Variants in SORL1 observed in about 807,000 individuals in gnomAD.
The protein encoded by SORL1 is sortilin related receptor 1.
SORL1 carries 127 observed loss-of-function variants against 273.7 expected under a neutral mutation model. The ratio of observed to expected loss-of-function variants is 0.46; its 90% CI spans 0.40 to 0.54. The LOEUF (loss-of-function observed/expected upper bound fraction) is 0.54. SORL1 is among the 20% of genes least tolerant of loss of function. SORL1 has a pLI of 0.00. For missense variants in SORL1, 2,494 were observed against 2,846.1 expected, an observed-to-expected ratio of 0.88 and a Z score of 2.81; for synonymous variants, 1,031 against 1,067.4, an observed-to-expected ratio of 0.97 and a Z score of 0.66.
intron 9 of SORL1, 85 bp from the exon 10 acceptor site, chr11:121,522,501 C>T (rs1304763142): frequency 4.0e-6 from 4 of 997,820 alleles, no homozygotes; most frequent in South Asian, 2.6e-5. Flanking sequence ...GTCAGCTGCA[C>T]TCCCCTCACA....
intron 39 of SORL1, 130 bp from the exon 40 acceptor site, chr11:121,612,606 A>C: frequency 1.5e-6 from 1 of 650,518 alleles, no homozygotes. Flanking sequence ...TTTAAAAAAC[A>C]ACCTGTTCAC....
rs371418037 is a variant in SORL1, at chr11:121,543,704, G to T, written c.1842G>T (p.Gln614His). Reference sequence around the variant, plus strand: ...ATGTCCACAGCTGGCTGATCCTCCAGGTCAATGCCACGGATGCCTTGGGTA... The same window carrying T: ...ATGTCCACAGCTGGCTGATCCTCCATGTCAATGCCACGGATGCCTTGGGTA... ...KENVHSWLIL[Q>H]VNATDALGVP... Residue 614 changes from glutamine (Q) to histidine (H), a missense_variant, in exon 13 of 48, where the codon CAG (glutamine) becomes CAT (histidine). Gln to His is a conservative substitution (Grantham distance 24). Coordinates refer to ENST00000260197, the MANE Select transcript of SORL1 (RefSeq NM_003105.6). 6.2e-7 allele frequency: 1 copy of T among 1,613,326 alleles called. No individual in the cohort carries two copies. The highest frequency in any genetic ancestry group is 8.5e-7 in the Non-Finnish European group (1 of 1,179,704).
At chr11:121,576,644 G>A in intron 24 of SORL1, 3 of 735,956 alleles carry the variant, frequency 4.1e-6, no homozygotes, top group Non-Finnish European at 4.2e-6. Context: ...GAGCTTTGAA[G>A]GCTATTGCCA....
At position 121,558,713 on chromosome 11, in the gene SORL1, A is replaced by G; in HGVS notation, c.2786A>G (p.Asp929Gly). 1.9e-6 allele frequency: 3 copies of G among 1,614,074 alleles called. No individual in the cohort carries two copies. Among genetic ancestry groups the G allele is most frequent in the Non-Finnish European group, 2.5e-6 (3 of 1,180,006 alleles). ...DVKWPNGISV[D>G]DQWIYWTDAY... ...AAGTGGCCCAATGGCATCTCTGTGG[A>G]CGACCAGTGGATTTACTGGACGGAT... Residue 929 changes from aspartate (D) to glycine (G), a missense_variant, in exon 20 of 48, where the codon GAC becomes GGC. By Grantham distance (94) the Asp-to-Gly change is moderately conservative (BLOSUM62 -1). This residue lies in a region of SORL1 where 1,609 missense variants were observed against 1,816.4 expected (regional missense o/e 0.89). Coordinates refer to ENST00000260197, the MANE Select transcript of SORL1 (RefSeq NM_003105.6).
chr11:121,500,030 T>C (rs918365396), intron 6 of SORL1, among the ~76,000 whole-genome samples: 5 of 152,260 alleles, frequency 3.3e-5, no homozygotes, highest in Non-Finnish European at 7.3e-5. Context: ...TAATGTGCTT[T>C]GTATTTTTTG....
At chr11:121,472,022 A>G (rs183832318) in intron 2 of SORL1, among the ~76,000 whole-genome samples, 258 of 152,318 alleles carry the variant, frequency 1.7e-3, no homozygotes, top group Non-Finnish European at 2.6e-3. Context: ...GCCTGCTCCC[A>G]TAGCCCCAGC....
intron 22 of SORL1, among the ~76,000 whole-genome samples, chr11:121,568,162 C>G (rs1358368111): frequency 6.6e-6 from 1 of 152,198 alleles, no homozygotes; most frequent in East Asian, 1.9e-4. Context: ...GCTGGGATCA[C>G]AGGCATGAGC....
chr11:121,485,050 C>T (rs1268320708), intron 3 of SORL1, among the ~76,000 whole-genome samples: 20 of 152,298 alleles, frequency 1.3e-4, no homozygotes, highest in Middle Eastern at 3.4e-3. Context: ...CCACCCCGCC[C>T]GGCCCCATGC....
In SORL1 at chr11:121,545,338, C is replaced by T. The variant is rs2134889161; in HGVS notation, c.1960C>T (p.Arg654Trp). 6 of 1,614,148 alleles carry T rather than the reference C, an allele frequency of 3.7e-6. No individual in the cohort carries two copies. Among genetic ancestry groups the T allele is most frequent in the African/African-American group, 1.3e-5 (1 of 75,032 alleles). ...GGGACACAAGACTGTTTTCAAACGG[C>T]GGACCCCCCATGCCACATGCTTCAA... ...LLGHKTVFKR[R>W]TPHATCFNGE... The change falls in exon 14 of 48, where the codon CGG becomes TGG. Residue 654 changes from arginine (R) to tryptophan (W), a missense_variant. Coordinates refer to ENST00000260197, the MANE Select transcript of SORL1 (RefSeq NM_003105.6).
chr11:121,504,238 C>T (rs1861755271), intron 6 of SORL1, among the ~76,000 whole-genome samples: 1 of 152,070 alleles, frequency 6.6e-6, no homozygotes. Context: ...ATGGCGAAAC[C>T]CCGTCTCTAC....
intron 3 of SORL1, among the ~76,000 whole-genome samples, chr11:121,487,211 A>ATGT (rs1861487494): frequency 6.6e-6 from 1 of 152,058 alleles, no homozygotes; most frequent in Non-Finnish European, 1.5e-5. Flanking sequence ...TCTGTCTCCC[A>ATGT]TGTTAGATTT....
At chr11:121,583,350 A>C in intron 25 of SORL1, 108 bp from the exon 26 acceptor site, 1 of 1,330,406 alleles carries the variant, frequency 7.5e-7, no homozygotes, top group Non-Finnish European at 1.0e-6. Flanking sequence ...CCCACAGTTC[A>C]GACCTTATTC....
chr11:121,549,106 G>A (rs192219673), intron 14 of SORL1, among the ~76,000 whole-genome samples: 439 of 152,290 alleles, frequency 2.9e-3, no homozygotes, highest in African/African-American at 0.01. Flanking sequence ...TGGGAGGTTT[G>A]GCAGATGTGA....
intron 1 of SORL1, among the ~76,000 whole-genome samples, chr11:121,458,071 A>G (rs1860935843): frequency 1.3e-5 from 2 of 152,208 alleles, no homozygotes; most frequent in Admixed American, 6.5e-5. Flanking sequence ...CACCCACTGT[A>G]ATGGAGGGAC....
intron 38 of SORL1, chr11:121,610,499 C>T (rs903891019): frequency 6.6e-6 from 1 of 152,462 alleles, no homozygotes; most frequent in African/African-American, 2.4e-5. Context: ...ATCACACATA[C>T]ATTATTTTAG....
chr11:121,587,758 A>G (rs1014723441), intron 27 of SORL1, among the ~76,000 whole-genome samples: 1 of 152,200 alleles, frequency 6.6e-6, no homozygotes, highest in East Asian at 1.9e-4. Flanking sequence ...TCTTGGCAAA[A>G]TACTTAATGC....
intron 2 of SORL1, among the ~76,000 whole-genome samples, chr11:121,475,701 A>G (rs1290345355): frequency 3.9e-5 from 6 of 152,220 alleles, no homozygotes; most frequent in Admixed American, 3.9e-4. Flanking sequence ...TTGTTGGAGT[A>G]GAGAGACAAC....
At chr11:121,467,498 T>G (rs1274170089) in intron 1 of SORL1, among the ~76,000 whole-genome samples, 1 of 152,136 alleles carries the variant, frequency 6.6e-6, no homozygotes, top group Admixed American at 6.6e-5. Flanking sequence ...AAGTTGAATA[T>G]TTGAGGACTT....
intron 24 of SORL1, chr11:121,576,984 A>G: frequency 6.7e-7 from 1 of 1,483,966 alleles, no homozygotes; most frequent in South Asian, 1.2e-5. Context: ...AAGCATAGAA[A>G]ATAATATATG....
Sources: gnomAD v4.1 joint callset for allele counts (sites outside exome capture counted in the v4.1 genomes callset) on GRCh38, gnomAD v4.1.1 for gene constraint, gnomAD v4.1.1 regional missense constraint, MANE v1.5 for transcripts, NCBI Gene and HGNC (gene_info 2026-07-23, HGNC 2026-07-21) for gene names.